SYNE1: variants seen among roughly 807,000 people sequenced by gnomAD.
SYNE1 encodes nesprin-1.
SYNE1 carries 616 observed loss-of-function variants against 1,111.0 expected under a neutral mutation model. The observed-to-expected ratio is 0.55, with a 90% CI of 0.52 to 0.59. The LOEUF (loss-of-function observed/expected upper bound fraction) is 0.59. Among genes scored for constraint, SYNE1 ranks in the 20% least tolerant of loss-of-function variants. The pLI is 0.00. For missense variants in SYNE1, 10,006 were observed against 10,417.0 expected (o/e 0.96, Z 1.72); for synonymous variants, 3,855 against 3,825.8 (o/e 1.01, Z -0.28).
chr6:152,253,817 GGTTTTTTTTTTTTTTTTTTTTTTTTTT>G lies in SYNE1; in HGVS notation c.19470+1036_19470+1062del, dbSNP rs1267969817. ...ATGCTACATTTATGTGTAGTGGTTT[GGTTTTTTTTTTTTTTTTTTTTTTTTTT>G]TTTTTTTTTTTTTTTTGCAAATCAA... On this transcript the variant is annotated intron_variant, in intron 104 of 145. Coordinates refer to ENST00000367255, the MANE Select transcript of SYNE1 (RefSeq NM_182961.4). Among the ~76,000 whole-genome samples, 33 of 59,156 alleles carry G rather than the reference GGTTTTTTTTTTTTTTTTTTTTTTTTTT, an allele frequency of 5.6e-4. 1 individual carries two copies. Among genetic ancestry groups the G allele is most frequent in the Admixed American group, 2.2e-3 (9 of 4,008 alleles). 38.8% of individuals were successfully genotyped at this position (59,156 alleles called of 152,430 possible).
chr6:152,406,912 A>G, intron 45 of SYNE1, 102 bp downstream of exon 45: 1 of 838,408 alleles, frequency 1.2e-6, no homozygotes, highest in Non-Finnish European at 1.6e-6. Context: ...TAAAAAATAA[A>G]AGTTAAAAGA....
intron 3 of SYNE1, among the ~76,000 whole-genome samples, chr6:152,593,359 C>T (rs528734294): frequency 1.4e-4 from 22 of 152,098 alleles, no homozygotes; most frequent in Admixed American, 9.2e-4. Context: ...CTGAGGTGGG[C>T]GGATCACGAG....
chr6:152,208,303 G>A, intron 124 of SYNE1, 97 bp from the exon 125 acceptor site: 1 of 1,108,530 alleles, frequency 9.0e-7, no homozygotes. Flanking sequence ...CCTAAGCCCT[G>A]AGAAGTGATC....
chr6:152,263,558 A>T (rs2092336049), intron 100 of SYNE1, among the ~76,000 whole-genome samples: 2 of 144,818 alleles, frequency 1.4e-5, no homozygotes, highest in Non-Finnish European at 3.1e-5. Flanking sequence ...GACTTGGCTA[A>T]TTTTTTTTTT....
Position 152,329,973 on chromosome 6 carries a change from C to T in SYNE1, c.14712G>A (p.Lys4904=). The T allele has an allele frequency of 1.2e-6, 2 of 1,614,190 alleles. No homozygotes were observed. The highest frequency in any genetic ancestry group is 1.7e-6 in the Non-Finnish European group (2 of 1,180,032). Residue 4904 remains lysine (K), a synonymous_variant, in exon 78 of 146, where the codon AAG becomes AAA. Transcript: ENST00000367255. ...GGTACACCGGCCCACTGAGCTCTGC[C>T]TTCACTCTCCTCAGCCAGTCCAGGG... The part of the protein sequence containing the change: ...SRSLDWLRRV[K]AELSGPVYLD...
intron 36 of SYNE1, among the ~76,000 whole-genome samples, 198 bp downstream of exon 36, chr6:152,429,914 C>G (rs2098412833): frequency 6.6e-6 from 1 of 152,116 alleles, no homozygotes; most frequent in Non-Finnish European, 1.5e-5. Flanking sequence ...TAATATACAT[C>G]TTTAATGAAA....
intron 3 of SYNE1, chr6:152,546,296 C>A (rs1231404450): frequency 2.0e-5 from 3 of 152,074 alleles, no homozygotes; most frequent in Non-Finnish European, 4.4e-5. Context: ...TTTACAGGAC[C>A]AGGCTGTGGC....
At chr6:152,307,487 C>A (rs994150218) in intron 91 of SYNE1, among the ~76,000 whole-genome samples, 1 of 152,102 alleles carries the variant, frequency 6.6e-6, no homozygotes, top group East Asian at 1.9e-4. Context: ...AATAAGACAA[C>A]CTTCTCCCAG....
chr6:152,461,083 T>G (rs1230935184), intron 21 of SYNE1, among the ~76,000 whole-genome samples: 3 of 152,118 alleles, frequency 2.0e-5, no homozygotes, highest in African/African-American at 7.2e-5. Context: ...AAGTGCTGGA[T>G]TATAGGCGTG....
intron 93 of SYNE1, among the ~76,000 whole-genome samples, chr6:152,294,694 G>C (rs1051376673): frequency 1.5e-4 from 23 of 151,592 alleles, no homozygotes; most frequent in African/African-American, 5.3e-4. Context: ...TAATATAAAG[G>C]TTTTCTATGC....
intron 3 of SYNE1, among the ~76,000 whole-genome samples, chr6:152,585,227 C>T (rs1284260807): frequency 6.6e-6 from 1 of 152,126 alleles, no homozygotes; most frequent in Admixed American, 6.5e-5. Context: ...CTGAGGCCTC[C>T]CCAACCATGC....
chr6:152,491,561 G>A (rs1452972435), intron 11 of SYNE1, among the ~76,000 whole-genome samples: 1 of 152,014 alleles, frequency 6.6e-6, no homozygotes, highest in Non-Finnish European at 1.5e-5. Context: ...AACACTGCTT[G>A]GCCCCAATAC....
Position 152,425,541 on chromosome 6 carries a change from G to T in SYNE1, c.5107C>A (p.Gln1703Lys). 6.2e-7 allele frequency: 1 copy of T among 1,614,108 alleles called. No homozygotes were observed. The highest frequency in any genetic ancestry group is 1.1e-5 in the South Asian group (1 of 91,086). ...GAGGCCTGGGATACAACTTCATTTTGCAGTGCCTGAAAAATACAAGACATT... is the reference window on the plus strand; with the variant it reads ...GAGGCCTGGGATACAACTTCATTTTTCAGTGCCTGAAAAATACAAGACATT... The part of the protein sequence containing the change: ...EGELQLIQAL[Q>K]NEVVSQASFY... The change falls in exon 39 of 146, where the codon CAA becomes AAA. Residue 1703 changes from glutamine (Q) to lysine (K), a missense_variant. Coordinates refer to ENST00000367255, the MANE Select transcript of SYNE1 (RefSeq NM_182961.4).
intron 128 of SYNE1, among the ~76,000 whole-genome samples, chr6:152,180,951 C>G (rs564467754): frequency 2.0e-3 from 295 of 150,992 alleles, no homozygotes; most frequent in Middle Eastern, 0.017. Context: ...TTTCGCATGA[C>G]AGATTTATTA....
chr6:152,551,185 G>A (rs2099345175), intron 3 of SYNE1, among the ~76,000 whole-genome samples: 1 of 152,118 alleles, frequency 6.6e-6, no homozygotes, highest in Non-Finnish European at 1.5e-5. Flanking sequence ...TACAGCACTT[G>A]AACTTATTCA....
chr6:152,478,278 C>T (rs940828700), intron 14 of SYNE1, among the ~76,000 whole-genome samples: 1 of 152,154 alleles, frequency 6.6e-6, no homozygotes, highest in African/African-American at 2.4e-5. Context: ...TCTCAAAGAG[C>T]TTTGCTGTAA....
At chr6:152,289,864 G>C (rs1163074960) in intron 95 of SYNE1, among the ~76,000 whole-genome samples, 2 of 151,286 alleles carry the variant, frequency 1.3e-5, no homozygotes, top group Non-Finnish European at 2.9e-5. Context: ...CTGACCTCGT[G>C]ATCCGCCCGC....
chr6:152,167,848 A>G lies in SYNE1; in HGVS notation c.23628-3523T>C, dbSNP rs569974976. ...TCTAGCCATACTCCTTGTATGACGC[A>G]TACGGTCCAGAGACAACTGGAATAC... On this transcript the variant is annotated intron_variant, in intron 130 of 145. Transcript: ENST00000367255. 3.3e-4 allele frequency: 220 copies of G among 660,152 alleles called. 2 individuals are homozygous for G. The highest frequency in any genetic ancestry group is 2.8e-3 in the South Asian group (207 of 72,718). The allele number at this position is 660,152 out of a possible 1,614,324, so 40.9% of individuals were successfully genotyped here. A position where few individuals can be genotyped will look rare whatever the true frequency, so the allele number is the denominator to read the frequency against.
At chr6:152,247,855 A>AACACAC (rs10592346) in intron 105 of SYNE1, among the ~76,000 whole-genome samples, 110 of 89,896 alleles carry the variant, frequency 1.2e-3, no homozygotes, top group African/African-American at 3.9e-3. Context: ...GGTGTTCTTT[A>AACACAC]ACACACACAC....
Sources: gnomAD v4.1 joint callset for allele counts (sites outside exome capture counted in the v4.1 genomes callset) on GRCh38, gnomAD v4.1.1 for gene constraint, MANE v1.5 for transcripts, NCBI Gene and HGNC (gene_info 2026-07-23, HGNC 2026-07-21) for gene names.